ANO2: variants seen among roughly 807,000 people sequenced by gnomAD.
ANO2 encodes the protein anoctamin-2.
A neutral mutation model predicts 124.2 loss-of-function variants in ANO2; 101 were observed. The ratio of observed to expected loss-of-function variants is 0.81; its 90% CI spans 0.69 to 0.96. The LOEUF (loss-of-function observed/expected upper bound fraction) is 0.96, where lower values mean the gene tolerates loss of function less well. Among genes scored for constraint, ANO2 ranks in the 40% least tolerant of loss-of-function variants. The pLI is 0.00. For synonymous variants in ANO2, 486 were observed against 482.5 expected (o/e 1.01, Z -0.09); for missense variants, 1,293 against 1,274.5 (o/e 1.01, Z -0.22).
chr12:5,581,375 G>A (rs908804691), intron 20 of ANO2, among the ~76,000 whole-genome samples: 2 of 152,172 alleles, frequency 1.3e-5, no homozygotes, highest in Non-Finnish European at 2.9e-5. Flanking sequence ...GTTTACTTCT[G>A]AGGGATTGCA....
intron 12 of ANO2, among the ~76,000 whole-genome samples, chr12:5,743,472 C>CGTGT (rs112084814): frequency 0.49 from 73,843 of 149,424 alleles, 18,761 homozygotes; most frequent in Middle Eastern, 0.62. Context: ...TGAGAATAGG[C>CGTGT]GTGTGTGTGT....
chr12:5,825,161 C>A (rs1953919251), intron 7 of ANO2, among the ~76,000 whole-genome samples: 1 of 152,190 alleles, frequency 6.6e-6, no homozygotes, highest in Non-Finnish European at 1.5e-5. Context: ...ACTCACTTTA[C>A]AGCTAAAGAA....
At chr12:5,858,416 G>A (rs73255179) in intron 3 of ANO2, among the ~76,000 whole-genome samples, 2,634 of 152,226 alleles carry the variant, frequency 0.017, 69 homozygotes, top group African/African-American at 0.056. Flanking sequence ...AAGGGAAAAA[G>A]ACTATCTAGG....
At chr12:5,865,896 G>A (rs534691393) in intron 3 of ANO2, among the ~76,000 whole-genome samples, 249 of 152,254 alleles carry the variant, frequency 1.6e-3, no homozygotes, top group African/African-American at 5.9e-3. Context: ...GACAGATCAC[G>A]ACCAGGGCAA....
chr12:5,695,074 T>C (rs1949113016), intron 14 of ANO2, among the ~76,000 whole-genome samples: 1 of 152,202 alleles, frequency 6.6e-6, no homozygotes. Flanking sequence ...TGCTGCTGGC[T>C]GTGGACAACT....
At chr12:5,661,761 G>A (rs11063802) in intron 14 of ANO2, among the ~76,000 whole-genome samples, 26,261 of 152,144 alleles carry the variant, frequency 0.17, 2,611 homozygotes, top group South Asian at 0.31. Context: ...AGAACCTGGG[G>A]GAGGGCCAGG....
intron 9 of ANO2, among the ~76,000 whole-genome samples, chr12:5,800,663 T>C (rs553802248): frequency 1.2e-3 from 185 of 152,264 alleles, no homozygotes; most frequent in African/African-American, 4.0e-3. Flanking sequence ...CACTGAGTCA[T>C]GGTGATGCCT....
intron 21 of ANO2, 21 bp from the exon 22 acceptor site, chr12:5,578,028 C>A: frequency 6.2e-7 from 1 of 1,612,278 alleles, no homozygotes; most frequent in Non-Finnish European, 8.5e-7. Flanking sequence ...GAAAAGACAG[C>A]GTCTGGCTCA....
At position 5,827,795 on chromosome 12, in the gene ANO2, G is replaced by A. The variant is rs376219260; in HGVS notation, c.866C>T (p.Ala289Val). Residue 289 changes from alanine (A) to valine (V), a missense_variant, in exon 7 of 25, where the codon GCC (alanine) becomes GTC (valine). Coordinates refer to ENST00000682330, the MANE Select transcript of ANO2 (RefSeq NM_001364791.2). The stretch of plus-strand genomic sequence containing the variant: ...CATCGTGTTGTTGGCTCGGGAGCAG[G>A]CTGTGCGCTTCAGGATCTCGTGCAC... ...RIVHEILKRT[A>V]CSRANNTMGI... 6.2e-7 allele frequency: 1 copy of A among 1,611,730 alleles called. No homozygotes were observed. The highest frequency in any genetic ancestry group is 8.5e-7 in the Non-Finnish European group (1 of 1,179,116).
chr12:5,865,301 GCCATC>G (rs1333172417), intron 3 of ANO2, among the ~76,000 whole-genome samples: 1 of 150,814 alleles, frequency 6.6e-6, no homozygotes, highest in African/African-American at 2.5e-5. Flanking sequence ...ACACCATCAT[GCCATC>G]ACATCACCAT....
At chr12:5,755,439 G>A (rs1470288918) in intron 10 of ANO2, among the ~76,000 whole-genome samples, 3 of 150,144 alleles carry the variant, frequency 2.0e-5, no homozygotes, top group African/African-American at 7.4e-5. Context: ...AAGTTCTAGG[G>A]TACATGTGCA....
chr12:5,801,838 C>A (rs1010840697), intron 9 of ANO2, among the ~76,000 whole-genome samples: 4 of 152,204 alleles, frequency 2.6e-5, no homozygotes, highest in African/African-American at 9.7e-5. Flanking sequence ...AGTACATCTC[C>A]TCCTCCCACA....
chr12:5,583,855 T>C (rs142523681), intron 20 of ANO2: 20 of 192,758 alleles, frequency 1.0e-4, no homozygotes, highest in Non-Finnish European at 2.0e-4. Context: ...GTGCAGAATA[T>C]CATCATGGTG....
At chr12:5,897,312 G>A (rs1939857467) in intron 3 of ANO2, among the ~76,000 whole-genome samples, 1 of 152,002 alleles carries the variant, frequency 6.6e-6, no homozygotes, top group South Asian at 2.1e-4. Context: ...TATTGCTCAA[G>A]GGTTAAGGAA....
intron 14 of ANO2, among the ~76,000 whole-genome samples, chr12:5,703,038 G>A (rs1162187258): frequency 6.6e-6 from 1 of 152,126 alleles, no homozygotes; most frequent in Non-Finnish European, 1.5e-5. Flanking sequence ...AAACACATAT[G>A]TAAGAGGATT....
rs1481463654 is a variant in ANO2, at chr12:5,929,657, A to T, written c.23-6853T>A. On this transcript the variant is annotated intron_variant, in intron 1 of 24. Coordinates refer to ENST00000682330, the MANE Select transcript of ANO2 (RefSeq NM_001364791.2). ...CCTTCCTTACTAGTCTACCTTCTTT[A>T]TTAGTCACTTTCTTACCAGTCTTCC... Among the ~76,000 whole-genome samples the T allele has an allele frequency of 3.7e-5, 2 of 54,248 alleles. 1 individual carries two copies. The highest frequency in any genetic ancestry group is 7.4e-5 in the Non-Finnish European group (2 of 27,116). 35.6% of individuals were successfully genotyped at this position (54,248 alleles called of 152,430 possible).
intron 10 of ANO2, among the ~76,000 whole-genome samples, chr12:5,789,107 G>A (rs778227900): frequency 1.3e-4 from 20 of 152,212 alleles, no homozygotes; most frequent in Non-Finnish European, 2.5e-4. Flanking sequence ...AGAGATCACC[G>A]CAGGATGAAC....
intron 3 of ANO2, among the ~76,000 whole-genome samples, chr12:5,888,734 G>A (rs1939159930): frequency 6.6e-6 from 1 of 152,212 alleles, no homozygotes; most frequent in South Asian, 2.1e-4. Context: ...TACAAACCTT[G>A]AGCTAGATAC....
At chr12:5,693,374 G>C (rs536907212) in intron 14 of ANO2, among the ~76,000 whole-genome samples, 1 of 151,992 alleles carries the variant, frequency 6.6e-6, no homozygotes, top group Non-Finnish European at 1.5e-5. Flanking sequence ...AACAAATATT[G>C]AATGATTTGC....
Sources: allele counts gnomAD v4.1 joint callset (sites outside exome capture counted in the v4.1 genomes callset), GRCh38; gene constraint gnomAD v4.1.1; transcripts MANE v1.5; gene names NCBI Gene and HGNC (gene_info 2026-07-23, HGNC 2026-07-21).